Variants in SH3RF3 observed in about 807,000 individuals in gnomAD.
SH3RF3 encodes E3 ubiquitin-protein ligase SH3RF3.
A neutral mutation model predicts 66.3 loss-of-function variants in SH3RF3; 29 were observed. That is an observed-to-expected ratio of 0.44 (90% CI 0.33 to 0.60). SH3RF3 has a LOEUF of 0.60. Ranked by LOEUF, SH3RF3 falls within the 20% of genes least tolerant of loss-of-function variation. The pLI is 0.04. For synonymous variants in SH3RF3, 583 were observed against 532.0 expected, an observed-to-expected ratio of 1.10 and a Z score of -1.32; for missense variants, 1,194 against 1,190.9, an observed-to-expected ratio of 1.00 and a Z score of -0.04.
chr2:109,145,205 G>A (rs997945148), intron 1 of SH3RF3, among the ~76,000 whole-genome samples: 4 of 152,156 alleles, frequency 2.6e-5, no homozygotes, highest in Non-Finnish European at 5.9e-5. Context: ...AGACAGAGCC[G>A]TGTCCTGGCT....
chr2:109,187,861 G>A (rs574035033), intron 1 of SH3RF3, among the ~76,000 whole-genome samples: 16 of 152,284 alleles, frequency 1.1e-4, no homozygotes, highest in Middle Eastern at 3.4e-3. Flanking sequence ...AGCACGGACT[G>A]GGTGCTCTCT....
chr2:109,238,449 T>TTGTGTGTG (rs56112018), intron 1 of SH3RF3, among the ~76,000 whole-genome samples: 21 of 142,712 alleles, frequency 1.5e-4, no homozygotes, highest in South Asian at 7.2e-4. Flanking sequence ...TTATGTATAT[T>TTGTGTGTG]TGTGTGTGTG....
chr2:109,279,442 C>A (rs1680832669), intron 1 of SH3RF3, among the ~76,000 whole-genome samples: 1 of 152,182 alleles, frequency 6.6e-6, no homozygotes, highest in African/African-American at 2.4e-5. Context: ...TCTACTGGGT[C>A]TTCCTCCACC....
intron 1 of SH3RF3, among the ~76,000 whole-genome samples, chr2:109,244,825 A>G (rs72935406): frequency 0.019 from 2,884 of 152,240 alleles, 98 homozygotes; most frequent in African/African-American, 0.065. Context: ...GGGTGGCCTG[A>G]GAACAGGGGA....
chr2:109,175,062 A>G (rs114497150), intron 1 of SH3RF3, among the ~76,000 whole-genome samples: 148 of 151,742 alleles, frequency 9.8e-4, no homozygotes, highest in African/African-American at 3.2e-3. Context: ...GCAAAATCCC[A>G]TATTTAAATG....
chr2:109,472,028 T>C (rs1163237766), intron 8 of SH3RF3, among the ~76,000 whole-genome samples: 1 of 152,230 alleles, frequency 6.6e-6, no homozygotes, highest in East Asian at 1.9e-4. Flanking sequence ...TGTGGCCCTG[T>C]AGCACAGTGT....
intron 7 of SH3RF3, among the ~76,000 whole-genome samples, chr2:109,439,902 AG>A (rs1019204966): frequency 1.3e-5 from 2 of 152,192 alleles, no homozygotes; most frequent in African/African-American, 4.8e-5. Context: ...TTAGGTATTA[AG>A]AGAGTGTGGA....
At chr2:109,493,342 T>C (rs990456836) in intron 9 of SH3RF3, among the ~76,000 whole-genome samples, 6 of 129,124 alleles carry the variant, frequency 4.6e-5, no homozygotes, top group Middle Eastern at 0.012. Context: ...ACACCCCACA[T>C]ACGTCATACA....
At chr2:109,337,194 C>T (rs1054984660) in intron 1 of SH3RF3, among the ~76,000 whole-genome samples, 6 of 152,150 alleles carry the variant, frequency 3.9e-5, no homozygotes, top group Non-Finnish European at 7.4e-5. Context: ...CTGAGATTGG[C>T]CACATGATTT....
chr2:109,199,607 T>TCAACCCGA (rs1558953948), intron 1 of SH3RF3, among the ~76,000 whole-genome samples: 3 of 276 alleles, frequency 0.011, no homozygotes, highest in East Asian at 0.5. Flanking sequence ...TGGAATGGAA[T>TCAACCCGA]GGAATGGAAT....
At chr2:109,171,996 G>A (rs1361056888) in intron 1 of SH3RF3, among the ~76,000 whole-genome samples, 1 of 152,352 alleles carries the variant, frequency 6.6e-6, no homozygotes, top group East Asian at 1.9e-4. Flanking sequence ...TGAGTCGCCC[G>A]TTTCCCAATA....
chr2:109,235,237 C>A (rs1040779492), intron 1 of SH3RF3, among the ~76,000 whole-genome samples: 6 of 152,164 alleles, frequency 3.9e-5, no homozygotes, highest in African/African-American at 1.4e-4. Flanking sequence ...AATAGATCAA[C>A]CCTGAATAGT....
chr2:109,263,909 C>T (rs557004200), intron 1 of SH3RF3, among the ~76,000 whole-genome samples: 1 of 152,340 alleles, frequency 6.6e-6, no homozygotes, highest in Non-Finnish European at 1.5e-5. Flanking sequence ...ACGGAGCTTG[C>T]AGTGAGCCAA....
chr2:109,349,618 A>G (rs768330466), intron 2 of SH3RF3, among the ~76,000 whole-genome samples: 4 of 152,216 alleles, frequency 2.6e-5, no homozygotes, highest in Non-Finnish European at 5.9e-5. Flanking sequence ...GACAGACCCC[A>G]TAATGGCTCT....
chr2:109,186,893 T>C (rs954331343), intron 1 of SH3RF3, among the ~76,000 whole-genome samples: 4 of 152,226 alleles, frequency 2.6e-5, no homozygotes, highest in Non-Finnish European at 4.4e-5. Flanking sequence ...TGTGGGTCCA[T>C]ATATTCACCC....
intron 2 of SH3RF3, among the ~76,000 whole-genome samples, chr2:109,369,421 A>G (rs1487121206): frequency 6.6e-6 from 1 of 152,238 alleles, no homozygotes; most frequent in African/African-American, 2.4e-5. Context: ...GCTCTGCTAA[A>G]TGCCCCCAGA....
At chr2:109,238,492 TGTGTGTGAGA>T (rs1468859024) in intron 1 of SH3RF3, among the ~76,000 whole-genome samples, 18 of 127,546 alleles carry the variant, frequency 1.4e-4, no homozygotes, top group African/African-American at 5.6e-4. Context: ...TGTGTGTGTG[TGTGTGTGAGA>T]GTGAGACAGA....
At chr2:109,153,810 A>G (rs1345370185) in intron 1 of SH3RF3, among the ~76,000 whole-genome samples, 1 of 152,156 alleles carries the variant, frequency 6.6e-6, no homozygotes, top group African/African-American at 2.4e-5. Context: ...ATCTTGCTGG[A>G]GCTGAGATTT....
intron 2 of SH3RF3, among the ~76,000 whole-genome samples, chr2:109,349,039 C>T (rs34304043): frequency 0.18 from 27,393 of 152,026 alleles, 2,596 homozygotes; most frequent in African/African-American, 0.24. Context: ...CTCTCTCTCA[C>T]ACACACACGC....
Sources: allele counts gnomAD v4.1 joint callset (sites outside exome capture counted in the v4.1 genomes callset), GRCh38; gene constraint gnomAD v4.1.1; transcripts MANE v1.5; gene names NCBI Gene and HGNC (gene_info 2026-07-23, HGNC 2026-07-21).